IL2: variants seen among roughly 807,000 people sequenced by gnomAD.
IL2 encodes the protein interleukin 2.
In IL2, 3 loss-of-function variants were observed where a neutral mutation model predicts 14.6. That is an observed-to-expected ratio of 0.21 (90% confidence interval 0.09 to 0.53). The LOEUF (loss-of-function observed/expected upper bound fraction) is 0.53. IL2 is among the 20% of genes least tolerant of loss of function. IL2 has a pLI of 0.95. For missense variants in IL2, 125 were observed against 170.8 expected, an observed-to-expected ratio of 0.73 and a Z score of 1.50; for synonymous variants, 71 against 60.0, an observed-to-expected ratio of 1.18 and a Z score of -0.85.
chr4:122,451,681 A>G lies in IL2; in HGVS notation c.*71T>C, dbSNP rs1797677535. ...ATAGGTAGCAAACCATACATTCAAC[A>G]ATAAATATAAAATTTAAATATTTAA... On this transcript the variant is annotated 3_prime_UTR_variant, in exon 4 of 4. Coordinates refer to ENST00000226730, the MANE Select transcript of IL2 (RefSeq NM_000586.4). 5.9e-6 allele frequency: 3 copies of G among 507,404 alleles called. No homozygotes were observed. The highest frequency in any genetic ancestry group is 5.9e-5 in the South Asian group (1 of 16,868). 31.4% of individuals were successfully genotyped at this position (507,404 alleles called of 1,614,324 possible). A position where few individuals can be genotyped will look rare whatever the true frequency, so the allele number is the denominator to read the frequency against.
chr4:122,456,177 C>T lies in IL2; in HGVS notation c.174G>A (p.Arg58=), dbSNP rs1230253533. 2 of 1,608,806 alleles carry T rather than the reference C, an allele frequency of 1.2e-6. No individual in the cohort carries two copies. The highest frequency in any genetic ancestry group is 1.1e-5 in the South Asian group (1 of 90,938). The stretch of plus-strand genomic sequence containing the variant: ...GCATGTAAAACTTAAATGTGAGCAT[C>T]CTGGTGAGTTTGGGATTCTTGTAAT... The part of the protein sequence containing the change: ...INNYKNPKLT[R]MLTFKFYMPK... The change falls in exon 2 of 4, where the codon AGG becomes AGA. Residue 58 remains arginine (R), a synonymous_variant. Transcript: ENST00000226730.
chr4:122,456,495 T>C lies in IL2; in HGVS notation c.-55A>G. On this transcript the variant is annotated 5_prime_UTR_variant, in exon 1 of 4. Transcript: ENST00000226730. ...GTGATTAAAGAGAGTGATAGGGAAC[T>C]CTTGAACAAGAGATGCAATTTATAC... 7.1e-7 allele frequency: 1 copy of C among 1,414,964 alleles called. No individual in the cohort carries two copies. The highest frequency in any genetic ancestry group is 9.7e-7 in the Non-Finnish European group (1 of 1,034,428). The allele number at this position is 1,414,964 out of a possible 1,614,324, so 87.7% of individuals were successfully genotyped here.
Position 122,455,870 on chromosome 4 carries a change from A to G in IL2, c.207+274T>C, listed in dbSNP as rs370148957. On this transcript the variant is annotated intron_variant, in intron 2 of 3. Transcript: ENST00000226730. ...GAGTTTTACATTTTTAAATGAAACC[A>G]TAAATGAACATTTTTGTTTAGAATT... Among the ~76,000 whole-genome samples, 5 of 152,116 alleles carry G rather than the reference A, an allele frequency of 3.3e-5. No individual in the cohort carries two copies. The East Asian group carries it at 5.8e-4, about 18-fold the overall frequency.
At chr4:122,456,238 A>T in intron 1 of IL2, 35 bp from the exon 2 acceptor site, 1 of 1,596,074 alleles carries the variant, frequency 6.3e-7, no homozygotes, top group Non-Finnish European at 8.6e-7. Context: ...TTAAGAAATG[A>T]TCTCCAGCTA....
chr4:122,452,401 G>T (rs1272664678), intron 3 of IL2, among the ~76,000 whole-genome samples: 1 of 152,032 alleles, frequency 6.6e-6, no homozygotes, highest in Non-Finnish European at 1.5e-5. Context: ...TTTGTGTGAA[G>T]AACATCTTCA....
At chr4:122,453,045 G>A (rs1048340979) in intron 3 of IL2, among the ~76,000 whole-genome samples, 5 of 151,802 alleles carry the variant, frequency 3.3e-5, no homozygotes, top group Admixed American at 6.6e-5. Context: ...CTATACTTAT[G>A]CTGCTTATTT....
intron 3 of IL2, among the ~76,000 whole-genome samples, chr4:122,452,109 T>A (rs991251959): frequency 2.0e-5 from 3 of 152,058 alleles, no homozygotes; most frequent in Non-Finnish European, 4.4e-5. Context: ...AACACAAAAA[T>A]TTTTTCCCTA....
chr4:122,453,655 T>C (rs1797698506), intron 3 of IL2, 55 bp downstream of exon 3: 2 of 1,462,252 alleles, frequency 1.4e-6, no homozygotes, highest in Admixed American at 4.2e-5. Context: ...TGTGGTACTT[T>C]TCCCCCTACT....
At chr4:122,452,944 C>CA (rs1047851385) in intron 3 of IL2, among the ~76,000 whole-genome samples, 2 of 151,770 alleles carry the variant, frequency 1.3e-5, no homozygotes, top group Non-Finnish European at 2.9e-5. Context: ...ACATTGATCT[C>CA]AATGTATTTT....
At position 122,451,880 on chromosome 4, in the gene IL2, TAATTTTTTA is replaced by T; in HGVS notation, c.352-27_352-19del. The T allele has an allele frequency of 7.2e-7, 1 of 1,389,914 alleles. No individual in the cohort carries two copies. The highest frequency in any genetic ancestry group is 1.0e-6 in the Non-Finnish European group (1 of 999,752). 86.1% of individuals were successfully genotyped at this position (1,389,914 alleles called of 1,614,324 possible). A position where few individuals can be genotyped will look rare whatever the true frequency, so the allele number is the denominator to read the frequency against. On this transcript the variant is annotated intron_variant, in intron 3 of 3. Transcript: ENST00000226730. ...TCAGATCCCTATAAAAGAAAAATGT[TAATTTTTTA>T]AAGTACAGAGTAGTTTACCTTATAT...
chr4:122,453,803 C>T lies in IL2; in HGVS notation c.258G>A (p.Leu86=). The part of the protein sequence containing the change: ...LQCLEEELKP[L]EEVLNLAQSK... ...TTTGAGCTAAATTTAGCACTTCCTC[C>T]AGAGGTTTGAGTTCTTCTTCTAGAC... The change falls in exon 3 of 4, where the codon CTG becomes CTA. Residue 86 remains leucine (L), a synonymous_variant. Coordinates refer to ENST00000226730, the MANE Select transcript of IL2 (RefSeq NM_000586.4). 1 of 1,611,582 alleles carries T rather than the reference C, an allele frequency of 6.2e-7. No individual in the cohort carries two copies. The highest frequency in any genetic ancestry group is 8.5e-7 in the Non-Finnish European group (1 of 1,178,352).
At position 122,456,380 on chromosome 4, in the gene IL2, C is replaced by T. The variant is rs752534234; in HGVS notation, c.61G>A (p.Ala21Thr). 12 of 1,612,060 alleles carry T rather than the reference C, an allele frequency of 7.4e-6. No individual in the cohort carries two copies. The East Asian group carries it at 1.8e-4, about 24-fold the overall frequency. Residue 21 changes from alanine (A) to threonine (T), a missense_variant, in exon 1 of 4, where the codon GCA (alanine) becomes ACA (threonine). Coordinates refer to ENST00000226730, the MANE Select transcript of IL2 (RefSeq NM_000586.4). ...ALSLALVTNS[A>T]PTSSSTKKTQ... is the part of the protein sequence containing the mutation. ...TTCTTTGTAGAACTTGAAGTAGGTG[C>T]ACTGTTTGTGACAAGTGCAAGACTT...
chr4:122,456,346 A>C lies in IL2; in HGVS notation c.95T>G (p.Leu32Arg). Residue 32 changes from leucine (L) to arginine (R), a missense_variant, in exon 1 of 4, where the codon CTA (leucine) becomes CGA (arginine). Transcript: ENST00000226730. ...PTSSSTKKTQ[L>R]QLEHLLLDLQ... ...ATCCAGCAGTAAATGCTCCAGTTGTAGCTGTGTTTTCTTTGTAGAACTTGA... is the reference window on the plus strand; with the variant it reads ...ATCCAGCAGTAAATGCTCCAGTTGTCGCTGTGTTTTCTTTGTAGAACTTGA... The C allele has an allele frequency of 6.2e-7, 1 of 1,611,888 alleles. No individual in the cohort carries two copies. Among genetic ancestry groups the C allele is most frequent in the Non-Finnish European group, 8.5e-7 (1 of 1,178,430 alleles).
chr4:122,453,434 C>G (rs1797695807), intron 3 of IL2, among the ~76,000 whole-genome samples: 1 of 151,828 alleles, frequency 6.6e-6, no homozygotes, highest in Admixed American at 6.6e-5. Context: ...AGTACCTTCT[C>G]TCACTCCCAG....
At chr4:122,454,761 G>A (rs751011381) in intron 2 of IL2, among the ~76,000 whole-genome samples, 3 of 151,762 alleles carry the variant, frequency 2.0e-5, no homozygotes, top group African/African-American at 2.4e-5. Flanking sequence ...AAAATCTTTT[G>A]TAAATGTGCA....
intron 2 of IL2, among the ~76,000 whole-genome samples, chr4:122,455,129 A>G (rs181051928): frequency 4.5e-4 from 69 of 151,988 alleles, no homozygotes; most frequent in Non-Finnish European, 8.8e-4. Flanking sequence ...TCAGAAGGGT[A>G]GTTAGAAGCA....
At chr4:122,452,647 TG>T (rs1217829109) in intron 3 of IL2, among the ~76,000 whole-genome samples, 4 of 152,010 alleles carry the variant, frequency 2.6e-5, no homozygotes, top group Non-Finnish European at 4.4e-5. Flanking sequence ...ATTCCTACCC[TG>T]GGAACAAAAG....
chr4:122,453,399 G>A (rs1334798547), intron 3 of IL2, among the ~76,000 whole-genome samples: 1 of 151,700 alleles, frequency 6.6e-6, no homozygotes, highest in East Asian at 1.9e-4. Flanking sequence ...AGTAAAATCT[G>A]CCTGCTTTCT....
At chr4:122,452,224 TTG>T (rs1194163068) in intron 3 of IL2, among the ~76,000 whole-genome samples, 1 of 152,110 alleles carries the variant, frequency 6.6e-6, no homozygotes, top group Non-Finnish European at 1.5e-5. Context: ...ACACCTATAT[TTG>T]TGTAAGTTAA....
Sources: allele counts gnomAD v4.1 joint callset (sites outside exome capture counted in the v4.1 genomes callset), GRCh38; gene constraint gnomAD v4.1.1; transcripts MANE v1.5; gene names NCBI Gene and HGNC (gene_info 2026-07-23, HGNC 2026-07-21).